NFAT5: variants seen among roughly 807,000 people sequenced by gnomAD.
The protein encoded by NFAT5 is nuclear factor of activated T cells 5.
A neutral mutation model predicts 166.5 loss-of-function variants in NFAT5; 31 were observed. That is an observed-to-expected ratio of 0.19 (90% CI 0.14 to 0.25). The LOEUF (loss-of-function observed/expected upper bound fraction) is 0.25, where lower values mean the gene tolerates loss of function less well. NFAT5 is among the 10% of genes least tolerant of loss of function. The probability of loss-of-function intolerance (pLI) is 1.00; values close to 1 mark genes in which losing one functional copy is unlikely to be tolerated. For missense variants in NFAT5, 1,449 were observed against 1,821.8 expected (o/e 0.80, Z 3.72); for synonymous variants, 612 against 639.7 (o/e 0.96, Z 0.65).
intron 9 of NFAT5, among the ~76,000 whole-genome samples, chr16:69,675,362 A>G (rs1479183407): frequency 6.6e-6 from 1 of 152,172 alleles, no homozygotes; most frequent in Non-Finnish European, 1.5e-5. Context: ...TTAACTCTAG[A>G]TAGACTGTTT....
chr16:69,660,412 A>T (rs887950792), intron 7 of NFAT5, among the ~76,000 whole-genome samples: 19 of 135,504 alleles, frequency 1.4e-4, no homozygotes, highest in Non-Finnish European at 3.4e-5. Context: ...CCTGGGCAGC[A>T]GACTGCGACT....
chr16:69,622,204 G>T (rs933870323), intron 2 of NFAT5, among the ~76,000 whole-genome samples: 3 of 152,066 alleles, frequency 2.0e-5, no homozygotes, highest in African/African-American at 7.2e-5. Context: ...ATATCTTTGG[G>T]GTACTGGGGT....
intron 2 of NFAT5, among the ~76,000 whole-genome samples, chr16:69,617,932 G>A (rs1051298433): frequency 2.0e-5 from 3 of 151,494 alleles, no homozygotes; most frequent in Non-Finnish European, 3.0e-5. Flanking sequence ...CAAGGTGGGC[G>A]GATCACCTGA....
chr16:69,634,515 C>T (rs1461342317), intron 3 of NFAT5, among the ~76,000 whole-genome samples: 1 of 152,028 alleles, frequency 6.6e-6, no homozygotes, highest in Non-Finnish European at 1.5e-5. Flanking sequence ...ACTTTTCATC[C>T]ATCATTGCAT....
chr16:69,670,887 A>G (rs901957405), intron 9 of NFAT5, among the ~76,000 whole-genome samples: 10 of 152,228 alleles, frequency 6.6e-5, no homozygotes, highest in African/African-American at 2.4e-4. Context: ...TAGTATGTAC[A>G]GGTGTAGAAC....
chr16:69,567,378 C>T (rs982055789), intron 1 of NFAT5, among the ~76,000 whole-genome samples: 2 of 152,150 alleles, frequency 1.3e-5, no homozygotes, highest in African/African-American at 4.8e-5. Flanking sequence ...GGCTTCAAAA[C>T]CAAAATATTC....
At position 69,647,624 on chromosome 16, in the gene NFAT5, T is replaced by C. The variant is rs766544420; in HGVS notation, c.812+38T>C. On this transcript the variant is annotated intron_variant, in intron 4 of 14. Transcript: ENST00000349945. This position sits in a 1 kb window ranked among gnomAD's most constrained non-coding sequence, Gnocchi z 4.8. The stretch of plus-strand genomic sequence containing the variant: ...ATTTTTTAAAATTCTATCATCATTA[T>C]GCAAAACAAACAAACAAAAAAAATT... 4.7e-6 allele frequency: 7 copies of C among 1,496,486 alleles called. No individual in the cohort carries two copies. The African/African-American group carries it at 8.4e-5, about 18-fold the overall frequency. 92.7% of individuals were successfully genotyped at this position (1,496,486 alleles called of 1,614,324 possible).
At chr16:69,621,617 A>T (rs1172558524) in intron 2 of NFAT5, among the ~76,000 whole-genome samples, 1 of 152,212 alleles carries the variant, frequency 6.6e-6, no homozygotes, top group Non-Finnish European at 1.5e-5. Flanking sequence ...AAAAATAGAT[A>T]CTGTGGCATA....
At position 69,655,635 on chromosome 16, in the gene NFAT5, G is replaced by A; in HGVS notation, c.1032G>A (p.Val344=). The change falls in exon 6 of 15, where the codon GTG becomes GTA. Residue 344 remains valine, a synonymous_variant. Transcript: ENST00000349945. ...TGGAAGGCCATAATGAACCTGTAGT[G>A]TTGCAAGTGTTTGTGGGCAACGACT... is the stretch of plus-strand genomic sequence containing the variant. The part of the protein sequence containing the change: ...VKLEGHNEPV[V]LQVFVGNDSG... 1.2e-6 allele frequency: 2 copies of A among 1,611,660 alleles called. No homozygotes were observed. Among genetic ancestry groups the A allele is most frequent in the African/African-American group, 1.3e-5 (1 of 75,006 alleles).
chr16:69,658,812 G>A (rs1048908209), intron 6 of NFAT5, among the ~76,000 whole-genome samples: 2 of 152,108 alleles, frequency 1.3e-5, no homozygotes, highest in Non-Finnish European at 1.5e-5. Context: ...GGGTGACAGA[G>A]CGAGACTCTG....
At chr16:69,635,094 T>G (rs1317294388) in intron 3 of NFAT5, among the ~76,000 whole-genome samples, 3 of 131,848 alleles carry the variant, frequency 2.3e-5, no homozygotes, top group Non-Finnish European at 4.7e-5. Flanking sequence ...CACTGAAACC[T>G]CCACCTCCTG....
chr16:69,697,939 C>CTTTTTTTTT lies in NFAT5; in HGVS notation c.*1597_*1605dup, dbSNP rs199818366. On this transcript the variant is annotated 3_prime_UTR_variant, in exon 15 of 15. Transcript: ENST00000349945. ...AATTGTTGAAGGCTACTTTTCTGTT[C>CTTTTTTTTT]TTTTTTTTTTTTTTTTTCTATCCTG... The CTTTTTTTTT allele has an allele frequency of 5.3e-5, 7 of 131,446 alleles. No individual in the cohort carries two copies. The highest frequency in any genetic ancestry group is 6.5e-5 in the Non-Finnish European group (4 of 61,470). The allele number at this position is 131,446 out of a possible 1,614,324, so 8.1% of individuals were successfully genotyped here. A position where few individuals can be genotyped will look rare whatever the true frequency, so the allele number is the denominator to read the frequency against.
Position 69,677,220 on chromosome 16 carries a change from G to A in NFAT5, c.1575G>A (p.Lys525=). Residue 525 remains lysine, a synonymous_variant, in exon 10 of 15, where the codon AAG becomes AAA. Coordinates refer to ENST00000349945, the MANE Select transcript of NFAT5 (RefSeq NM_138713.4). The part of the protein sequence containing the change: ...ELFHQNHLIV[K]VPPYHDQHIT... ...TACATTAGAATCATCTTATTGTGAAGGTTCCTCCCTATCATGACCAACATA... is the reference window on the plus strand; with the variant it reads ...TACATTAGAATCATCTTATTGTGAAAGTTCCTCCCTATCATGACCAACATA... 1 of 1,606,342 alleles carries A rather than the reference G, an allele frequency of 6.2e-7. No homozygotes were observed. The highest frequency in any genetic ancestry group is 8.5e-7 in the Non-Finnish European group (1 of 1,178,060).
In NFAT5 at chr16:69,701,478, A is replaced by G. The variant is rs1235300196; in HGVS notation, c.*5127A>G. On this transcript the variant is annotated 3_prime_UTR_variant, in exon 15 of 15. Coordinates refer to ENST00000349945, the MANE Select transcript of NFAT5 (RefSeq NM_138713.4). ...GTCCCAGCTTTTACTTTTTCCATTT[A>G]AACCTTCTTTTCTCCATTTCTTCCC... 1 of 152,622 alleles carries G rather than the reference A, an allele frequency of 6.6e-6. No individual in the cohort carries two copies. Among genetic ancestry groups the G allele is most frequent in the Admixed American group, 6.6e-5 (1 of 15,266 alleles). The allele number at this position is 152,622 out of a possible 1,614,324, so 9.5% of individuals were successfully genotyped here.
intron 3 of NFAT5, among the ~76,000 whole-genome samples, chr16:69,642,731 C>T (rs999023855): frequency 1.3e-5 from 2 of 151,390 alleles, no homozygotes; most frequent in Non-Finnish European, 2.9e-5. Flanking sequence ...GCAGGAGAAT[C>T]GTTTGAACCC....
chr16:69,646,582 A>G (rs2035447018), intron 3 of NFAT5: 2 of 1,214,934 alleles, frequency 1.6e-6, no homozygotes, highest in African/African-American at 1.6e-5. Flanking sequence ...TTCATAGGTT[A>G]GAAACTTATT....
In NFAT5 at chr16:69,678,141, G is replaced by T. The variant is rs567385680; in HGVS notation, c.1690+806G>T. On this transcript the variant is annotated intron_variant, in intron 10 of 14. Coordinates refer to ENST00000349945, the MANE Select transcript of NFAT5 (RefSeq NM_138713.4). ...CCATTGCACTCCAGCCTGGGCGATA[G>T]AGCGAGACTGTCTCAAAGACAGAAA... Among the ~76,000 whole-genome samples the T allele has an allele frequency of 2.1e-4, 32 of 151,868 alleles. No individual in the cohort carries two copies. The South Asian group carries it at 6.5e-3, about 31-fold the overall frequency.
intron 2 of NFAT5, among the ~76,000 whole-genome samples, chr16:69,621,081 C>T (rs539877778): frequency 2.0e-4 from 30 of 152,130 alleles, no homozygotes; most frequent in South Asian, 1.0e-3. Flanking sequence ...TTTCCTGATC[C>T]TCTAGTAGAA....
At chr16:69,568,268 C>G (rs948706798) in intron 1 of NFAT5, among the ~76,000 whole-genome samples, 1 of 151,718 alleles carries the variant, frequency 6.6e-6, no homozygotes, top group East Asian at 1.9e-4. Flanking sequence ...TGCGGTGAGC[C>G]GAGATCGCAC....
Sources: allele counts gnomAD v4.1 joint callset (sites outside exome capture counted in the v4.1 genomes callset), GRCh38; gene constraint gnomAD v4.1.1; non-coding constraint Gnocchi (gnomAD v3.1); transcripts MANE v1.5; gene names NCBI Gene and HGNC (gene_info 2026-07-23, HGNC 2026-07-21).